The following CPEB4 variants were observed in gnomAD, a reference collection of about 807,000 sequenced individuals.
The protein encoded by CPEB4 is cytoplasmic polyadenylation element-binding protein 4.
Under a neutral mutation model 72.5 loss-of-function variants are expected in CPEB4, and 12 were observed. The ratio of observed to expected loss-of-function variants is 0.17; its 90% CI spans 0.11 to 0.27. The LOEUF (loss-of-function observed/expected upper bound fraction) is 0.27. CPEB4 is among the 10% of genes least tolerant of loss of function. CPEB4 has a pLI of 1.00. For synonymous variants in CPEB4, 302 were observed against 326.3 expected, an observed-to-expected ratio of 0.93 and a Z score of 0.80; for missense variants, 614 against 908.5, an observed-to-expected ratio of 0.68 and a Z score of 4.17.
chr5:173,940,006 CTG>C (rs1433978702), intron 3 of CPEB4, among the ~76,000 whole-genome samples: 1 of 149,324 alleles, frequency 6.7e-6, no homozygotes, highest in Non-Finnish European at 1.5e-5. Context: ...CCCAGCGAGA[CTG>C]AGGCAAGAAG....
At chr5:173,909,788 C>T (rs887195869) in intron 1 of CPEB4, among the ~76,000 whole-genome samples, 3 of 152,002 alleles carry the variant, frequency 2.0e-5, no homozygotes, top group East Asian at 1.9e-4. Context: ...CCTTTGAGGT[C>T]GGGAGTTCAA....
intron 6 of CPEB4, 65 bp from the exon 7 acceptor site, chr5:173,949,895 C>A: frequency 9.2e-7 from 1 of 1,086,324 alleles, no homozygotes; most frequent in Non-Finnish European, 1.4e-6. Flanking sequence ...TGCATGATTC[C>A]TTTCCCCTGA....
intron 1 of CPEB4, among the ~76,000 whole-genome samples, chr5:173,905,664 G>T (rs1470170240): frequency 6.6e-6 from 1 of 152,114 alleles, no homozygotes; most frequent in African/African-American, 2.4e-5. Context: ...CTTACTAATT[G>T]ATCACTGACC....
rs1488381810 is a variant in CPEB4, at chr5:173,961,927, C to G, written c.*5790C>G. 1 of 149,214 alleles carries G rather than the reference C, an allele frequency of 6.7e-6. No individual in the cohort carries two copies. Among genetic ancestry groups the G allele is most frequent in the African/African-American group, 2.4e-5 (1 of 41,164 alleles). The allele number at this position is 149,214 out of a possible 1,614,324, so 9.2% of individuals were successfully genotyped here. On this transcript the variant is annotated 3_prime_UTR_variant, in exon 10 of 10. Transcript: ENST00000265085. ...TGATCTTCAGAGGACTAGGATAGTC[C>G]TTTCCACAAGAAAAAGACAAAAAAA...
Position 173,950,694 on chromosome 5 carries a change from C to T in CPEB4, c.1665+616C>T, listed in dbSNP as rs577102573. On this transcript the variant is annotated intron_variant, in intron 7 of 9. Transcript: ENST00000265085. The surrounding 1 kb of genome is among the most constrained non-coding windows in gnomAD (Gnocchi z 5.0). Reference sequence around the variant, plus strand: ...AAATAGCAGAATCAACTCTGAATAACGGAACTCAAATCACAAATACTATGT... The same window carrying T: ...AAATAGCAGAATCAACTCTGAATAATGGAACTCAAATCACAAATACTATGT... Among the ~76,000 whole-genome samples the T allele has an allele frequency of 5.3e-5, 8 of 152,094 alleles. No individual in the cohort carries two copies. The highest frequency in any genetic ancestry group is 3.9e-4 in the East Asian group (2 of 5,194).
chr5:173,943,467 T>G (rs1757916834), intron 4 of CPEB4, among the ~76,000 whole-genome samples: 1 of 152,134 alleles, frequency 6.6e-6, no homozygotes. Flanking sequence ...TTTTCTTTTC[T>G]TTTTTACTAA....
At chr5:173,938,055 T>G (rs1385432349) in intron 3 of CPEB4, among the ~76,000 whole-genome samples, 1 of 152,238 alleles carries the variant, frequency 6.6e-6, no homozygotes, top group Non-Finnish European at 1.5e-5. Flanking sequence ...GTGATGATTG[T>G]GTCTGCTTTT....
chr5:173,956,113 G>A lies in CPEB4; in HGVS notation c.2166G>A (p.Arg722=). The A allele has an allele frequency of 1.9e-6, 3 of 1,614,004 alleles. No individual in the cohort carries two copies. Residue 722 remains arginine, a synonymous_variant, in exon 10 of 10, where the codon CGG becomes CGA. Coordinates refer to ENST00000265085, the MANE Select transcript of CPEB4 (RefSeq NM_030627.4). ...PLVKEGGDRP[R]HISFRWN ...TGAAGGAAGGCGGTGACCGCCCTCG[G>A]CATATTTCATTCCGCTGGAACTAAA... is the stretch of plus-strand genomic sequence containing the variant.
intron 1 of CPEB4, among the ~76,000 whole-genome samples, chr5:173,902,391 A>G (rs1361088592): frequency 6.6e-6 from 1 of 152,208 alleles, no homozygotes; most frequent in Non-Finnish European, 1.5e-5. Context: ...TTGGTTCTTA[A>G]TAATGTGGTT....
At chr5:173,920,456 A>G (rs1167663651) in intron 2 of CPEB4, among the ~76,000 whole-genome samples, 2 of 152,256 alleles carry the variant, frequency 1.3e-5, no homozygotes, top group Non-Finnish European at 1.5e-5. Flanking sequence ...AATGTCTGGC[A>G]TGGTTGACTA....
In CPEB4 at chr5:173,915,174, G is replaced by A. The variant is rs138744054; in HGVS notation, c.1207+4570G>A. On this transcript the variant is annotated intron_variant, in intron 2 of 9. Coordinates refer to ENST00000265085, the MANE Select transcript of CPEB4 (RefSeq NM_030627.4). ...CAAAATGCTTAATAGTCCTAGGAAC[G>A]TTCAAGTACAGTTTTTGAATTTCTT... 5.5e-4 allele frequency among the ~76,000 whole-genome samples: 84 copies of A among 152,184 alleles called. 1 individual carries two copies. In the East Asian group the frequency reaches 0.013, roughly 24 times the overall value.
chr5:173,905,927 G>T (rs769460380), intron 1 of CPEB4, among the ~76,000 whole-genome samples: 2 of 152,190 alleles, frequency 1.3e-5, no homozygotes, highest in Non-Finnish European at 2.9e-5. Context: ...TATAAAGGAC[G>T]AAAGTGCCCA....
At position 173,935,274 on chromosome 5, in the gene CPEB4, C is replaced by T. The variant is rs202137321; in HGVS notation, c.1258+2774C>T. Among the ~76,000 whole-genome samples, 4 of 152,260 alleles carry T rather than the reference C, an allele frequency of 2.6e-5. No homozygotes were observed. In the East Asian group the frequency reaches 7.7e-4, roughly 29 times the overall value. On this transcript the variant is annotated intron_variant, in intron 3 of 9. Transcript: ENST00000265085. ...TGAAAGTTGAACATGCTTTCATTGT[C>T]TGTCATTAAGGTAGATAATCTAAAA...
chr5:173,906,040 A>G (rs529651156), intron 1 of CPEB4, among the ~76,000 whole-genome samples: 17 of 152,358 alleles, frequency 1.1e-4, no homozygotes, highest in African/African-American at 3.4e-4. Flanking sequence ...CTCAAGTTCA[A>G]TCAAGAAGAG....
intron 1 of CPEB4, among the ~76,000 whole-genome samples, chr5:173,905,264 G>A (rs774929975): frequency 2.0e-4 from 30 of 151,636 alleles, no homozygotes; most frequent in Non-Finnish European, 3.7e-4. Context: ...CTGTCCCCCA[G>A]CAAATTTTTT....
chr5:173,942,251 A>G (rs1757873366), intron 3 of CPEB4, among the ~76,000 whole-genome samples: 1 of 152,254 alleles, frequency 6.6e-6, no homozygotes, highest in Non-Finnish European at 1.5e-5. Context: ...TCAGGCATTC[A>G]AGAAATGTTC....
rs1392281766 is a variant in CPEB4, at chr5:173,958,121, G to C, written c.*1984G>C. The C allele has an allele frequency of 1.3e-5, 2 of 152,710 alleles. No homozygotes were observed. Among genetic ancestry groups the C allele is most frequent in the Non-Finnish European group, 2.9e-5 (2 of 68,022 alleles). The allele number at this position is 152,710 out of a possible 1,614,324, so 9.5% of individuals were successfully genotyped here. A position where few individuals can be genotyped will look rare whatever the true frequency, so the allele number is the denominator to read the frequency against. On this transcript the variant is annotated 3_prime_UTR_variant, in exon 10 of 10. Coordinates refer to ENST00000265085, the MANE Select transcript of CPEB4 (RefSeq NM_030627.4). ...TGTGCTATCGTGCTGTTCCTACTCA[G>C]TAAACAGGTGTGATGAGTTAACAAG...
chr5:173,897,753 A>G (rs1756072354), intron 1 of CPEB4, among the ~76,000 whole-genome samples: 1 of 152,220 alleles, frequency 6.6e-6, no homozygotes, highest in African/African-American at 2.4e-5. Flanking sequence ...GTTTATAAAT[A>G]TATGCTTATA....
chr5:173,925,011 C>T (rs879466270), intron 2 of CPEB4, among the ~76,000 whole-genome samples: 1 of 152,118 alleles, frequency 6.6e-6, no homozygotes, highest in Admixed American at 6.5e-5. Context: ...GAAGGCTTCT[C>T]ATAAGATGTG....
Sources: gnomAD v4.1 joint callset for allele counts (sites outside exome capture counted in the v4.1 genomes callset) on GRCh38, gnomAD v4.1.1 for gene constraint, Gnocchi (gnomAD v3.1) non-coding constraint, MANE v1.5 for transcripts, NCBI Gene and HGNC (gene_info 2026-07-23, HGNC 2026-07-21) for gene names.